The following COL22A1 variants were observed in gnomAD, a reference collection of about 807,000 sequenced individuals.
The protein encoded by COL22A1 is collagen type XXII alpha 1 chain.
COL22A1 carries 221 observed loss-of-function variants against 248.9 expected under a neutral mutation model. That is an observed-to-expected ratio of 0.89 (90% CI 0.80 to 0.99). COL22A1 has a LOEUF of 0.99. Among genes scored for constraint, COL22A1 ranks in the 50% least tolerant of loss-of-function variants. COL22A1 has a pLI of 0.00. For synonymous variants in COL22A1, 891 were observed against 793.4 expected (o/e 1.12, Z -2.07); for missense variants, 2,240 against 2,179.0 (o/e 1.03, Z -0.56).
Position 138,606,443 on chromosome 8 carries a change from C to A in COL22A1, c.4042G>T (p.Gly1348Ter). The change falls in exon 58 of 65, where the codon GGA becomes TGA. Residue 1348 changes from glycine (G) to a stop codon, truncating the protein, a stop_gained. Transcript: ENST00000303045. LOFTEE classifies it high-confidence loss of function. Reference sequence around the variant, plus strand: ...GGGCTGCCATTTTCCCCTTTGCTTCCTTTCTGGCCCTGCAAAGAGAAAACT... The same window carrying A: ...GGGCTGCCATTTTCCCCTTTGCTTCATTTCTGGCCCTGCAAAGAGAAAACT... ...PGPSGTPGQK[G>*]SKGENGSPGL... The A allele has an allele frequency of 1.2e-6, 2 of 1,613,702 alleles. No individual in the cohort carries two copies. The highest frequency in any genetic ancestry group is 1.1e-5 in the South Asian group (1 of 90,900).
chr8:138,906,730 G>A (rs966143898), intron 1 of COL22A1, among the ~76,000 whole-genome samples: 1 of 151,198 alleles, frequency 6.6e-6, no homozygotes, highest in Non-Finnish European at 1.5e-5. Flanking sequence ...TCAGCTCACT[G>A]TAACCTCCAC....
intron 37 of COL22A1, among the ~76,000 whole-genome samples, chr8:138,686,253 G>C (rs1310406641): frequency 6.6e-6 from 1 of 152,114 alleles, no homozygotes; most frequent in African/African-American, 2.4e-5. Context: ...TCGGCTTGAG[G>C]ACCTGGGCTT....
At chr8:138,694,648 T>C in intron 33 of COL22A1, 87 bp from the exon 34 acceptor site, 16 of 1,446,108 alleles carry the variant, frequency 1.1e-5, no homozygotes, top group Non-Finnish European at 1.5e-5. Context: ...GCAATGGGTA[T>C]AATTTGAGAT....
intron 28 of COL22A1, 38 bp from the exon 29 acceptor site, chr8:138,716,327 G>A: frequency 6.8e-7 from 1 of 1,474,594 alleles, no homozygotes; most frequent in Non-Finnish European, 9.3e-7. Context: ...TCAACAGGAA[G>A]GCTCTCCCAG....
chr8:138,899,007 T>C (rs1814337531), intron 1 of COL22A1, among the ~76,000 whole-genome samples: 1 of 152,182 alleles, frequency 6.6e-6, no homozygotes, highest in South Asian at 2.1e-4. Context: ...CGGCTCTAGG[T>C]ACAGCTTCAG....
chr8:138,724,987 T>G (rs1487665990), intron 24 of COL22A1, among the ~76,000 whole-genome samples: 1 of 152,200 alleles, frequency 6.6e-6, no homozygotes, highest in Non-Finnish European at 1.5e-5. Context: ...CACTCCCCCA[T>G]GCCCACTTTC....
chr8:138,677,609 T>C (rs1825667360), intron 40 of COL22A1, among the ~76,000 whole-genome samples: 1 of 150,798 alleles, frequency 6.6e-6, no homozygotes, highest in Non-Finnish European at 1.5e-5. Flanking sequence ...TTTGCAGTCT[T>C]TGGTTATTCC....
In COL22A1 at chr8:138,725,456, A is replaced by G; in HGVS notation, c.2140-16T>C. ...CTGGAGGGCCCTGTAGAGAAAGAGC[A>G]TTTGGTGGGCTACAGATGGGTCCTG... On this transcript the variant is annotated splice_polypyrimidine_tract_variant and intron_variant, in intron 23 of 64. Coordinates refer to ENST00000303045, the MANE Select transcript of COL22A1 (RefSeq NM_152888.3). 6.2e-7 allele frequency: 1 copy of G among 1,611,786 alleles called. No individual in the cohort carries two copies. The highest frequency in any genetic ancestry group is 1.3e-5 in the African/African-American group (1 of 74,822).
At chr8:138,872,920 C>G (rs182409019) in intron 3 of COL22A1, among the ~76,000 whole-genome samples, 6 of 152,322 alleles carry the variant, frequency 3.9e-5, no homozygotes, top group Admixed American at 3.9e-4. Flanking sequence ...TGCTGATACT[C>G]TTTTTCATTT....
intron 47 of COL22A1, among the ~76,000 whole-genome samples, chr8:138,640,474 A>C (rs2130430266): frequency 6.6e-6 from 1 of 151,890 alleles, no homozygotes; most frequent in East Asian, 2.0e-4. Flanking sequence ...TGCTTGGAAA[A>C]CCTTTCTCCA....
Position 138,589,065 on chromosome 8 carries a change from G to A in COL22A1, c.*188C>T, listed in dbSNP as rs894077433. On this transcript the variant is annotated 3_prime_UTR_variant, in exon 65 of 65. Coordinates refer to ENST00000303045, the MANE Select transcript of COL22A1 (RefSeq NM_152888.3). ...CAATAATATTAATAATAATCTGACC[G>A]ACCGGCAGCGTCTGTTGGATTTAAT... 23 of 580,506 alleles carry A rather than the reference G, an allele frequency of 4.0e-5. No individual in the cohort carries two copies. The highest frequency in any genetic ancestry group is 2.8e-4 in the African/African-American group (14 of 50,440). 36.0% of individuals were successfully genotyped at this position (580,506 alleles called of 1,614,324 possible). A position where few individuals can be genotyped will look rare whatever the true frequency, so the allele number is the denominator to read the frequency against.
intron 5 of COL22A1, 108 bp from the exon 6 acceptor site, chr8:138,826,889 C>G (rs1272555718): frequency 7.5e-7 from 1 of 1,336,494 alleles, no homozygotes; most frequent in African/African-American, 1.5e-5. Context: ...ATTTGACTTC[C>G]TAAATATTTC....
intron 23 of COL22A1, among the ~76,000 whole-genome samples, chr8:138,735,952 C>T (rs965383386): frequency 1.3e-5 from 2 of 152,218 alleles, no homozygotes; most frequent in South Asian, 2.1e-4. Context: ...TGTCCAGTCC[C>T]GAGTGGTGCT....
chr8:138,845,183 A>G (rs1416026466), intron 3 of COL22A1, among the ~76,000 whole-genome samples: 2 of 152,168 alleles, frequency 1.3e-5, no homozygotes, highest in East Asian at 3.9e-4. Context: ...ACAATATTAC[A>G]TAAATATGTT....
At chr8:138,663,438 T>C (rs1265017891) in intron 42 of COL22A1, among the ~76,000 whole-genome samples, 3 of 152,234 alleles carry the variant, frequency 2.0e-5, no homozygotes, top group Admixed American at 1.3e-4. Context: ...ATGGCCACCC[T>C]TCTGTGTTGA....
chr8:138,787,415 T>G (rs1815630819), intron 12 of COL22A1, among the ~76,000 whole-genome samples: 1 of 152,178 alleles, frequency 6.6e-6, no homozygotes, highest in Admixed American at 6.5e-5. Flanking sequence ...ATTCCCCTCC[T>G]GTGTCTCAGC....
chr8:138,886,171 C>T (rs902532701), intron 1 of COL22A1, among the ~76,000 whole-genome samples: 1 of 152,144 alleles, frequency 6.6e-6, no homozygotes, highest in Non-Finnish European at 1.5e-5. Flanking sequence ...TGAATGAATC[C>T]AGTCATATTT....
At chr8:138,725,474 G>A in intron 23 of COL22A1, 34 bp from the exon 24 acceptor site, 5 of 1,590,130 alleles carry the variant, frequency 3.1e-6, no homozygotes, top group South Asian at 1.1e-5. Flanking sequence ...GGCTACAGAT[G>A]GGTCCTGATG....
At position 138,738,996 on chromosome 8, in the gene COL22A1, G is replaced by A. The variant is rs577448336; in HGVS notation, c.2086-1419C>T. Among the ~76,000 whole-genome samples, 13 of 152,208 alleles carry A rather than the reference G, an allele frequency of 8.5e-5. No homozygotes were observed. In the South Asian group the frequency reaches 2.7e-3, roughly 32 times the overall value. ...TAACCCATAACATTGCCTTGGACCA[G>A]CGCACCATTCTCTCTCCCCAGAACC... On this transcript the variant is annotated intron_variant, in intron 22 of 64. Transcript: ENST00000303045.
Sources: gnomAD v4.1 joint callset for allele counts (sites outside exome capture counted in the v4.1 genomes callset) on GRCh38, gnomAD v4.1.1 for gene constraint, MANE v1.5 for transcripts, NCBI Gene and HGNC (gene_info 2026-07-23, HGNC 2026-07-21) for gene names.